OR51B5: variants seen among roughly 807,000 people sequenced by gnomAD.
OR51B5 encodes the protein olfactory receptor family 51 subfamily B member 5, also known as olfactory receptor 51B5.
For missense variants in OR51B5, 456 were observed against 374.6 expected, an observed-to-expected ratio of 1.22 and a Z score of -1.79; for synonymous variants, 186 against 144.8, an observed-to-expected ratio of 1.28 and a Z score of -2.04.
At chr11:5,440,534 T>C (rs1564814142) in intron 1 of OR51B5, 5 of 1,483,968 alleles carry the variant, frequency 3.4e-6, no homozygotes, top group East Asian at 2.3e-5. Flanking sequence ...GTCCCAATCC[T>C]TCCTCCAAAG....
chr11:5,422,865 T>G (rs776951324), intron 1 of OR51B5: 1 of 1,614,030 alleles, frequency 6.2e-7, no homozygotes, highest in Non-Finnish European at 8.5e-7. Context: ...TCCTATACAC[T>G]TATTCTGAAA....
chr11:5,463,285 G>A (rs561391948), intron 1 of OR51B5, among the ~76,000 whole-genome samples: 35 of 152,326 alleles, frequency 2.3e-4, no homozygotes, highest in Admixed American at 1.4e-3. Flanking sequence ...CTCTTCAAGT[G>A]TAAAGTATAA....
At chr11:5,383,030 C>T (rs1441945550) in intron 1 of OR51B5, among the ~76,000 whole-genome samples, 1 of 152,104 alleles carries the variant, frequency 6.6e-6, no homozygotes, top group Non-Finnish European at 1.5e-5. Flanking sequence ...GAGAAATGTA[C>T]ACATGACCTG....
exon 1 of OR51B5, chr11:5,342,822 C>T (rs778970017): frequency 6.2e-7 from 1 of 1,613,380 alleles, no homozygotes; most frequent in Non-Finnish European, 8.5e-7. Flanking sequence ...GTAATGAGAG[C>T]CTTGGCCCTC....
intron 1 of OR51B5, among the ~76,000 whole-genome samples, chr11:5,488,478 T>C (rs1400669086): frequency 6.6e-6 from 1 of 152,170 alleles, no homozygotes; most frequent in African/African-American, 2.4e-5. Context: ...GCTTTGGATA[T>C]AGAACTCAAA....
chr11:5,415,652 A>G (rs1850231835), intron 1 of OR51B5, among the ~76,000 whole-genome samples: 1 of 152,220 alleles, frequency 6.6e-6, no homozygotes, highest in Non-Finnish European at 1.5e-5. Context: ...AAGCACCTCT[A>G]TGCAAATAAA....
chr11:5,384,882 C>T (rs1198175244), intron 1 of OR51B5, among the ~76,000 whole-genome samples: 1 of 152,182 alleles, frequency 6.6e-6, no homozygotes, highest in African/African-American at 2.4e-5. Flanking sequence ...TGAGTTTGAC[C>T]ACTGTGGAAA....
intron 1 of OR51B5, among the ~76,000 whole-genome samples, chr11:5,381,424 TC>T (rs1849608166): frequency 6.6e-6 from 1 of 152,200 alleles, no homozygotes; most frequent in Non-Finnish European, 1.5e-5. Flanking sequence ...TAGAGATAGG[TC>T]CGAGGACTTG....
At chr11:5,402,546 T>C in intron 1 of OR51B5, 5 of 421,580 alleles carry the variant, frequency 1.2e-5, no homozygotes, top group Non-Finnish European at 1.5e-5. Context: ...ATCTCACTAG[T>C]TTGTTTCTAA....
At chr11:5,476,929 TG>T (rs36109368) in intron 1 of OR51B5, among the ~76,000 whole-genome samples, 2,981 of 152,292 alleles carry the variant, frequency 0.02, 60 homozygotes, top group East Asian at 0.059. Context: ...AGGAAGATAT[TG>T]GTCAAAAGGT....
chr11:5,423,243 T>A, intron 1 of OR51B5: 1 of 1,410,802 alleles, frequency 7.1e-7, no homozygotes, highest in African/African-American at 1.4e-5. Context: ...AAAATAAAAC[T>A]TCATCATAAT....
intron 1 of OR51B5, among the ~76,000 whole-genome samples, chr11:5,364,667 G>C (rs1048496940): frequency 6.6e-6 from 1 of 152,092 alleles, no homozygotes; most frequent in Non-Finnish European, 1.5e-5. Context: ...GAATATCTCT[G>C]ATTTTGTGCA....
At chr11:5,420,437 A>G (rs1279960738) in intron 1 of OR51B5, among the ~76,000 whole-genome samples, 1 of 151,950 alleles carries the variant, frequency 6.6e-6, no homozygotes, top group Non-Finnish European at 1.5e-5. Context: ...TTTACTGTTA[A>G]CTTTGTCATA....
intron 1 of OR51B5, among the ~76,000 whole-genome samples, chr11:5,426,488 G>T (rs1046893887): frequency 6.6e-6 from 1 of 152,084 alleles, no homozygotes; most frequent in Non-Finnish European, 1.5e-5. Flanking sequence ...TCCGGGGAAG[G>T]GGGGAGTTGC....
At chr11:5,396,913 A>C (rs1178891270) in intron 1 of OR51B5, among the ~76,000 whole-genome samples, 2 of 152,226 alleles carry the variant, frequency 1.3e-5, no homozygotes, top group Admixed American at 6.5e-5. Context: ...ATCTACAACT[A>C]TCTGATCTTT....
chr11:5,395,693 G>A lies in OR51B5; in HGVS notation n.85-48783C>T, dbSNP rs192266678. ...AATCATTTCTCTCGAAAAGAGGCAG[G>A]GCCCATGTGGAAATCTTTCAACATA... On this transcript the variant is annotated intron_variant and non_coding_transcript_variant, in intron 1 of 4. Transcript: ENST00000415970. Among the ~76,000 whole-genome samples the A allele has an allele frequency of 7.0e-4, 106 of 152,250 alleles. 1 individual carries two copies. Among genetic ancestry groups the A allele is most frequent in the African/African-American group, 2.4e-3 (100 of 41,542 alleles).
chr11:5,451,865 C>A (rs1303136831), intron 1 of OR51B5, among the ~76,000 whole-genome samples: 5 of 152,192 alleles, frequency 3.3e-5, no homozygotes, highest in Non-Finnish European at 7.3e-5. Flanking sequence ...AGTGAAAAGC[C>A]TTCTAGCCTT....
chr11:5,445,246 C>T (rs1850743430), intron 1 of OR51B5, among the ~76,000 whole-genome samples: 1 of 152,100 alleles, frequency 6.6e-6, no homozygotes, highest in Non-Finnish European at 1.5e-5. Flanking sequence ...CATTTCCCTG[C>T]TTAAATAGCT....
At chr11:5,388,011 A>G (rs531581777) in intron 1 of OR51B5, among the ~76,000 whole-genome samples, 7 of 152,306 alleles carry the variant, frequency 4.6e-5, no homozygotes, top group Non-Finnish European at 1.0e-4. Flanking sequence ...GGTAAAAACC[A>G]CAATTACTTT....
Sources: allele counts gnomAD v4.1 joint callset (sites outside exome capture counted in the v4.1 genomes callset), GRCh38; gene constraint gnomAD v4.1.1; transcripts MANE v1.5; gene names NCBI Gene and HGNC (gene_info 2026-07-23, HGNC 2026-07-21).